PTPRJ: variants seen among roughly 807,000 people sequenced by gnomAD.
The protein encoded by PTPRJ is receptor-type tyrosine-protein phosphatase eta.
A neutral mutation model predicts 141.3 loss-of-function variants in PTPRJ; 129 were observed. That is an observed-to-expected ratio of 0.91 (90% CI 0.79 to 1.06). The LOEUF (loss-of-function observed/expected upper bound fraction) is 1.06, where lower values mean the gene tolerates loss of function less well. PTPRJ is among the 50% of genes least tolerant of loss of function. The probability of loss-of-function intolerance (pLI) is 0.00; values close to 1 mark genes in which losing one functional copy is unlikely to be tolerated. For missense variants in PTPRJ, 1,601 were observed against 1,679.7 expected, an observed-to-expected ratio of 0.95 and a Z score of 0.82; for synonymous variants, 610 against 640.5, an observed-to-expected ratio of 0.95 and a Z score of 0.72.
chr11:48,148,326 T>C (rs1052764493), intron 15 of PTPRJ, among the ~76,000 whole-genome samples: 2 of 152,252 alleles, frequency 1.3e-5, no homozygotes, highest in African/African-American at 4.8e-5. Flanking sequence ...CTTAACATTT[T>C]GATGTGACCA....
At chr11:47,992,696 C>T (rs182496634) in intron 1 of PTPRJ, among the ~76,000 whole-genome samples, 2 of 151,978 alleles carry the variant, frequency 1.3e-5, no homozygotes, top group African/African-American at 4.8e-5. Context: ...TACTGTAAGG[C>T]GGTGTATTTG....
intron 1 of PTPRJ, among the ~76,000 whole-genome samples, chr11:48,109,706 C>G (rs1306779935): frequency 6.9e-6 from 1 of 144,684 alleles, no homozygotes; most frequent in Non-Finnish European, 1.5e-5. Flanking sequence ...CTTCTGTGTC[C>G]TTCTGCTTCA....
At chr11:48,118,129 G>A (rs1480853439) in intron 3 of PTPRJ, among the ~76,000 whole-genome samples, 1 of 152,176 alleles carries the variant, frequency 6.6e-6, no homozygotes, top group East Asian at 1.9e-4. Context: ...TGTCACCCAG[G>A]CTGGAGTACA....
At chr11:48,021,352 C>T (rs1014087429) in intron 1 of PTPRJ, among the ~76,000 whole-genome samples, 7 of 148,614 alleles carry the variant, frequency 4.7e-5, no homozygotes, top group Admixed American at 1.4e-4. Context: ...CCAGCCTGGG[C>T]GGCAAGAGCA....
At chr11:47,989,961 G>A (rs980319702) in intron 1 of PTPRJ, among the ~76,000 whole-genome samples, 5 of 152,134 alleles carry the variant, frequency 3.3e-5, no homozygotes, top group African/African-American at 1.2e-4. Flanking sequence ...TCTGACACAG[G>A]GTAGTTGGAG....
At chr11:48,111,018 T>C (rs2134325556) in intron 2 of PTPRJ, among the ~76,000 whole-genome samples, 1 of 152,344 alleles carries the variant, frequency 6.6e-6, no homozygotes, top group South Asian at 2.1e-4. Flanking sequence ...GGCTCATGCC[T>C]GTAATCCCAG....
At chr11:48,026,735 A>G (rs1021545875) in intron 1 of PTPRJ, among the ~76,000 whole-genome samples, 1 of 151,968 alleles carries the variant, frequency 6.6e-6, no homozygotes, top group Non-Finnish European at 1.5e-5. Context: ...GGTGTGAGCC[A>G]CCGTGCCTGG....
chr11:48,042,833 G>C (rs1230206067), intron 1 of PTPRJ, among the ~76,000 whole-genome samples: 1 of 151,898 alleles, frequency 6.6e-6, no homozygotes, highest in African/African-American at 2.4e-5. Context: ...AGCTGGGTTT[G>C]GGGCTGGGAA....
chr11:48,016,985 C>T lies in PTPRJ; in HGVS notation c.96+35977C>T, dbSNP rs1163100387. Among the ~76,000 whole-genome samples, 3 of 151,496 alleles carry T rather than the reference C, an allele frequency of 2.0e-5. No individual in the cohort carries two copies. In the East Asian group the frequency reaches 5.8e-4, roughly 29 times the overall value. On this transcript the variant is annotated intron_variant, in intron 1 of 24. Transcript: ENST00000418331. ...CATGTTGTGGCCCAGGTCTTGAGCT[C>T]CTGGGCTCAAGCAATCCTCCCACCT... is the stretch of plus-strand genomic sequence containing the variant.
At chr11:48,160,110 A>G in intron 22 of PTPRJ, 61 bp downstream of exon 22, 2 of 1,586,562 alleles carry the variant, frequency 1.3e-6, no homozygotes, top group South Asian at 2.2e-5. Flanking sequence ...TTTGGGGGTG[A>G]TATGTTTTAG....
intron 1 of PTPRJ, among the ~76,000 whole-genome samples, chr11:47,995,719 A>C (rs1854317193): frequency 1.3e-5 from 2 of 152,204 alleles, no homozygotes; most frequent in Non-Finnish European, 1.5e-5. Context: ...TGTGTGGATG[A>C]CATGACTTCA....
At chr11:48,055,946 A>G (rs957496035) in intron 1 of PTPRJ, among the ~76,000 whole-genome samples, 2 of 152,204 alleles carry the variant, frequency 1.3e-5, no homozygotes, top group Admixed American at 6.5e-5. Flanking sequence ...TGGCATGCAT[A>G]GGTCAATATA....
At chr11:48,063,662 C>T (rs886369913) in intron 1 of PTPRJ, among the ~76,000 whole-genome samples, 16 of 152,280 alleles carry the variant, frequency 1.1e-4, no homozygotes, top group African/African-American at 3.9e-4. Context: ...GACTGATACA[C>T]TTGGCTGCCT....
chr11:48,136,991 T>A lies in PTPRJ; in HGVS notation c.1874-12T>A. The A allele has an allele frequency of 6.3e-7, 1 of 1,576,584 alleles. No homozygotes were observed. The highest frequency in any genetic ancestry group is 8.7e-7 in the Non-Finnish European group (1 of 1,150,142). ...GTGCTTTTACATGAATTGCCTTTTT[T>A]TTAAAATCAAGGGCCCAGCAATGTG... On this transcript the variant is annotated splice_polypyrimidine_tract_variant and intron_variant, in intron 9 of 24. Transcript: ENST00000418331.
intron 7 of PTPRJ, among the ~76,000 whole-genome samples, chr11:48,129,027 G>A (rs1856907116): frequency 6.6e-6 from 1 of 152,196 alleles, no homozygotes; most frequent in Non-Finnish European, 1.5e-5. Context: ...AGTATCCGTG[G>A]CTTAAACAAG....
intron 10 of PTPRJ, among the ~76,000 whole-genome samples, chr11:48,139,179 T>C (rs1857174185): frequency 6.6e-6 from 1 of 151,662 alleles, no homozygotes; most frequent in South Asian, 2.1e-4. Context: ...AGTGAGGAGG[T>C]TGCTACTTCT....
chr11:48,106,786 T>A (rs1383967994), intron 1 of PTPRJ, among the ~76,000 whole-genome samples: 5 of 111,984 alleles, frequency 4.5e-5, no homozygotes, highest in Admixed American at 9.9e-5. Context: ...TTTTTTTTTT[T>A]AAGACAGAGT....
intron 1 of PTPRJ, among the ~76,000 whole-genome samples, chr11:48,045,851 C>T (rs1158540653): frequency 6.6e-6 from 1 of 152,140 alleles, no homozygotes; most frequent in Admixed American, 6.6e-5. Flanking sequence ...TACATGTGTT[C>T]CCGTGAGTGG....
At chr11:48,089,528 A>C (rs1465565364) in intron 1 of PTPRJ, among the ~76,000 whole-genome samples, 6 of 151,840 alleles carry the variant, frequency 4.0e-5, no homozygotes, top group South Asian at 2.1e-4. Context: ...AAAAAAAAAA[A>C]AAAACAAAAA....
Sources: gnomAD v4.1 joint callset for allele counts (sites outside exome capture counted in the v4.1 genomes callset) on GRCh38, gnomAD v4.1.1 for gene constraint, MANE v1.5 for transcripts, NCBI Gene and HGNC (gene_info 2026-07-23, HGNC 2026-07-21) for gene names.